The following ZNF708 variants were observed in gnomAD, a reference collection of about 807,000 sequenced individuals.
The protein encoded by ZNF708 is ZNF15, ZNF15L1.
Under a neutral mutation model 47.0 loss-of-function variants are expected in ZNF708, and 44 were observed. The ratio of observed to expected loss-of-function variants is 0.94; its 90% CI spans 0.74 to 1.20. The LOEUF (loss-of-function observed/expected upper bound fraction) is 1.20. Ranked by LOEUF, ZNF708 falls within the 50% of genes most tolerant of loss-of-function variation. ZNF708 has a pLI of 0.00. For synonymous variants in ZNF708, 184 were observed against 218.5 expected (o/e 0.84, Z 1.39); for missense variants, 557 against 656.0 (o/e 0.85, Z 1.65).
intron 1 of ZNF708, among the ~76,000 whole-genome samples, chr19:21,315,469 C>A (rs1972982667): frequency 6.6e-6 from 1 of 152,168 alleles, no homozygotes. Flanking sequence ...GAGAGATCCC[C>A]TCAGAGGCCG....
chr19:21,295,316 C>T (rs1292171883), intron 3 of ZNF708, among the ~76,000 whole-genome samples: 2 of 152,154 alleles, frequency 1.3e-5, no homozygotes, highest in African/African-American at 4.8e-5. Context: ...AGAAAAAACA[C>T]TAACATACTT....
At chr19:21,318,789 G>C (rs542487866) in intron 1 of ZNF708, 76 of 152,050 alleles carry the variant, frequency 5.0e-4, no homozygotes, top group Non-Finnish European at 9.0e-4. Flanking sequence ...ACTAACTGAA[G>C]GGCTATTATG....
intron 1 of ZNF708, among the ~76,000 whole-genome samples, chr19:21,319,521 T>C (rs1393597945): frequency 6.6e-5 from 10 of 151,966 alleles, no homozygotes; most frequent in Non-Finnish European, 1.2e-4. Flanking sequence ...TGGTGTGATC[T>C]TGTCTCACTG....
At chr19:21,328,913 C>G (rs1490149450) in intron 1 of ZNF708, among the ~76,000 whole-genome samples, 2 of 152,214 alleles carry the variant, frequency 1.3e-5, no homozygotes, top group African/African-American at 4.8e-5. Flanking sequence ...TGACCACCCT[C>G]CCATGGTCCC....
At chr19:21,321,691 C>G (rs1332882114) in intron 1 of ZNF708, among the ~76,000 whole-genome samples, 2 of 142,076 alleles carry the variant, frequency 1.4e-5, no homozygotes, top group Middle Eastern at 3.6e-3. Context: ...AAGAAGGAAA[C>G]AAAGAAAGAA....
rs911124391 is a variant in ZNF708 at position 21,309,326 on chromosome 19, T to G, written c.146A>C (p.Asn49Thr). 1.3e-6 allele frequency: 2 copies of G among 1,596,706 alleles called. No homozygotes were observed. Among genetic ancestry groups the G allele is most frequent in the Admixed American group, 1.8e-5 (1 of 56,626 alleles). Residue 49 changes from asparagine (N) to threonine (T), a missense_variant, in exon 3 of 4, where the codon AAT (asparagine) becomes ACT (threonine). Asn to Thr is a moderately conservative substitution (Grantham distance 65). Coordinates refer to ENST00000356929, the MANE Select transcript of ZNF708 (RefSeq NM_021269.3). ...CTCCAGACAGGTGATCAGGTCTAAA[T>G]TAGACACAGCAATACCTGTTTTATT... The part of the protein sequence containing the change: ...NLVFLGIAVS[N>T]LDLITCLEQG...
chr19:21,300,088 G>A (rs1024479599), intron 3 of ZNF708, among the ~76,000 whole-genome samples: 1 of 151,914 alleles, frequency 6.6e-6, no homozygotes, highest in African/African-American at 2.4e-5. Flanking sequence ...GGCGGATCAC[G>A]AGATCAGGAG....
intron 1 of ZNF708, among the ~76,000 whole-genome samples, chr19:21,313,142 G>A (rs1972934955): frequency 7.0e-6 from 1 of 143,098 alleles, no homozygotes; most frequent in African/African-American, 2.6e-5. Context: ...AAAAAAATTA[G>A]CCAGGTGTGG....
At position 21,294,065 on chromosome 19, in the gene ZNF708, T is replaced by C. The variant is rs1972469017; in HGVS notation, c.901A>G (p.Ile301Val). 2 of 1,613,534 alleles carry C rather than the reference T, an allele frequency of 1.2e-6. No individual in the cohort carries two copies. The change falls in exon 4 of 4, where the codon ATT becomes GTT. Residue 301 changes from isoleucine to valine, a missense_variant. Ile to Val is a conservative substitution (Grantham distance 29, BLOSUM62 3). Coordinates refer to ENST00000356929, the MANE Select transcript of ZNF708 (RefSeq NM_021269.3). ...QSSNLTNHKK[I>V]HTGEKPYKCG... Reference sequence around the variant, plus strand: ...TTGTAGGGTTTCTCTCCAGTATGAATTTTCTTGTGATTAGTAAGGTTTGAG... The same window carrying C: ...TTGTAGGGTTTCTCTCCAGTATGAACTTTCTTGTGATTAGTAAGGTTTGAG...
chr19:21,294,780 C>T, intron 3 of ZNF708, 41 bp from the exon 4 acceptor site: 2 of 1,508,512 alleles, frequency 1.3e-6, no homozygotes, highest in Non-Finnish European at 1.8e-6. Flanking sequence ...ATTTACTCAA[C>T]TCAGATTAAT....
intron 1 of ZNF708, chr19:21,328,181 A>C (rs1415451590): frequency 6.0e-6 from 1 of 165,366 alleles, no homozygotes; most frequent in East Asian, 1.9e-4. Flanking sequence ...GTGCCTGAGG[A>C]AGATAAAAAA....
chr19:21,325,899 T>A (rs1340787138), intron 1 of ZNF708, among the ~76,000 whole-genome samples: 1 of 152,042 alleles, frequency 6.6e-6, no homozygotes, highest in Non-Finnish European at 1.5e-5. Context: ...AAAAGTGGAC[T>A]AAGGATATGA....
In ZNF708 at chr19:21,297,000, G is replaced by A. The variant is rs774196759; in HGVS notation, c.227-2261C>T. ...ATATAAAAATTAGCTGGGCGTGGTG[G>A]TGGGCAACTGTAATCCCAGCTACTT... On this transcript the variant is annotated intron_variant, in intron 3 of 3. Coordinates refer to ENST00000356929, the MANE Select transcript of ZNF708 (RefSeq NM_021269.3). 1.8e-3 allele frequency among the ~76,000 whole-genome samples: 277 copies of A among 151,118 alleles called. 1 individual carries two copies. The highest frequency in any genetic ancestry group is 3.1e-3 in the Admixed American group (47 of 15,126).
At chr19:21,304,175 G>A (rs147374613) in intron 3 of ZNF708, among the ~76,000 whole-genome samples, 68 of 152,004 alleles carry the variant, frequency 4.5e-4, no homozygotes, top group African/African-American at 1.6e-3. Context: ...GTCCTAGTAA[G>A]CTTATAATCA....
At chr19:21,295,275 A>C (rs1972507409) in intron 3 of ZNF708, among the ~76,000 whole-genome samples, 1 of 152,188 alleles carries the variant, frequency 6.6e-6, no homozygotes, top group South Asian at 2.1e-4. Flanking sequence ...ACATACAGGA[A>C]ACAGGTTTAG....
chr19:21,325,726 T>A (rs78855427), intron 1 of ZNF708, among the ~76,000 whole-genome samples: 5,724 of 152,118 alleles, frequency 0.038, 376 homozygotes, highest in African/African-American at 0.13. Flanking sequence ...GGGACCTAAT[T>A]AAATTAAATA....
rs538561196 is a variant in ZNF708, at chr19:21,314,184, C to A, written c.4-3557G>T. ...CTGAACAGAACTGGGGAAGGGGAGA[C>A]CCTCTGTAGAATTCTGTTCTCTATG... On this transcript the variant is annotated intron_variant, in intron 1 of 3. Coordinates refer to ENST00000356929, the MANE Select transcript of ZNF708 (RefSeq NM_021269.3). Among the ~76,000 whole-genome samples, 26 of 146,838 alleles carry A rather than the reference C, an allele frequency of 1.8e-4. No individual in the cohort carries two copies. The South Asian group carries it at 2.4e-3, about 13-fold the overall frequency.
intron 3 of ZNF708, among the ~76,000 whole-genome samples, chr19:21,304,627 T>A (rs894050168): frequency 7.2e-5 from 11 of 152,174 alleles, no homozygotes; most frequent in African/African-American, 2.7e-4. Flanking sequence ...GAGGCTCATA[T>A]CTATAATCTC....
intron 1 of ZNF708, among the ~76,000 whole-genome samples, chr19:21,326,653 G>A (rs1460526495): frequency 1.3e-5 from 2 of 152,206 alleles, no homozygotes; most frequent in Non-Finnish European, 2.9e-5. Context: ...AAAATAGGCT[G>A]GGCGCGGTGG....
Sources: gnomAD v4.1 joint callset for allele counts (sites outside exome capture counted in the v4.1 genomes callset) on GRCh38, gnomAD v4.1.1 for gene constraint, MANE v1.5 for transcripts, NCBI Gene and HGNC (gene_info 2026-07-23, HGNC 2026-07-21) for gene names.